The following APP variants were observed in gnomAD, a reference collection of about 807,000 sequenced individuals.
APP encodes amyloid beta precursor protein, also known as amyloid-beta precursor protein.
Under a neutral mutation model 101.4 loss-of-function variants are expected in APP, and 31 were observed. That is an observed-to-expected ratio of 0.31 (90% CI 0.23 to 0.41). The LOEUF (loss-of-function observed/expected upper bound fraction) is 0.41. APP is among the 10% of genes least tolerant of loss of function. The probability of loss-of-function intolerance (pLI) is 1.00; values close to 1 mark genes in which losing one functional copy is unlikely to be tolerated. For synonymous variants in APP, 366 were observed against 364.4 expected (o/e 1.00, Z -0.05); for missense variants, 839 against 1,003.7 (o/e 0.84, Z 2.22).
In APP at chr21:25,911,928, A is replaced by T. The variant is rs201794320; in HGVS notation, c.1722T>A (p.Asp574Glu). 6.2e-7 allele frequency: 1 copy of T among 1,614,088 alleles called. No homozygotes were observed. Among genetic ancestry groups the T allele is most frequent in the African/African-American group, 1.3e-5 (1 of 74,924 alleles). The change falls in exon 14 of 18, where the codon GAT becomes GAA. Residue 574 changes from aspartate (D) to glutamate (E), a missense_variant. Transcript: ENST00000346798. ...CACTAATCATGTTGGCCAAGACGTC[A>T]TCTGAATAGTTTTGCTCTTTCTGAA... is the stretch of plus-strand genomic sequence containing the variant. Reference protein sequence around the residue: ...ELLQKEQNYSDDVLANMISEP... With the variant: ...ELLQKEQNYSEDVLANMISEP...
intron 1 of APP, among the ~76,000 whole-genome samples, chr21:26,123,037 C>G (rs1601519355): frequency 6.6e-6 from 1 of 152,226 alleles, no homozygotes; most frequent in East Asian, 1.9e-4. Flanking sequence ...GAATCCAAGA[C>G]AAGAATTCCT....
intron 1 of APP, among the ~76,000 whole-genome samples, chr21:26,123,801 G>C (rs988686095): frequency 6.6e-6 from 1 of 152,146 alleles, no homozygotes; most frequent in African/African-American, 2.4e-5. Flanking sequence ...GTTACTATCA[G>C]TTTCAGTGAC....
chr21:26,170,454 C>T (rs1295317041), intron 1 of APP, 110 bp downstream of exon 1: 4 of 1,156,368 alleles, frequency 3.5e-6, no homozygotes, highest in Non-Finnish European at 4.9e-6. Context: ...GAGAGGGGTC[C>T]CATTGACGGA....
chr21:26,009,731 A>C (rs1376146561), intron 6 of APP: 1 of 152,358 alleles, frequency 6.6e-6, no homozygotes, highest in African/African-American at 2.4e-5. Context: ...CTGGGACCAC[A>C]GGTGTGTGCC....
Position 26,039,018 on chromosome 21 carries a change from T to C in APP, c.662+11982A>G, listed in dbSNP as rs183822052. On this transcript the variant is annotated intron_variant, in intron 5 of 17. Transcript: ENST00000346798. ...GAAGATATTTTTGAAGCAAAGATTA[T>C]CTTATTTACTTACAAGTCTTTTCTT... Among the ~76,000 whole-genome samples the C allele has an allele frequency of 2.9e-3, 445 of 152,348 alleles. 2 individuals carry two copies. The highest frequency in any genetic ancestry group is 0.01 in the African/African-American group (418 of 41,580).
At chr21:26,154,371 T>A (rs541786354) in intron 1 of APP, among the ~76,000 whole-genome samples, 1 of 152,180 alleles carries the variant, frequency 6.6e-6, no homozygotes, top group Non-Finnish European at 1.5e-5. Flanking sequence ...GAATCACATA[T>A]CCTGGGTCCC....
intron 17 of APP, among the ~76,000 whole-genome samples, chr21:25,886,472 C>T (rs1049677554): frequency 9.9e-5 from 15 of 151,968 alleles, no homozygotes; most frequent in African/African-American, 3.4e-4. Flanking sequence ...TGGCTCACTG[C>T]AGCCTCCATC....
intron 14 of APP, among the ~76,000 whole-genome samples, chr21:25,905,726 T>G (rs1181687585): frequency 6.6e-6 from 1 of 152,174 alleles, no homozygotes; most frequent in Non-Finnish European, 1.5e-5. Context: ...GATATTTCAT[T>G]TTATATTTGC....
At chr21:26,044,127 A>G (rs917204437) in intron 5 of APP, among the ~76,000 whole-genome samples, 1 of 152,172 alleles carries the variant, frequency 6.6e-6, no homozygotes, top group African/African-American at 2.4e-5. Flanking sequence ...TGTGTTCCCA[A>G]AGTACTGCAT....
In APP at chr21:25,954,618, T is replaced by G. The variant is rs1283377846; in HGVS notation, c.1659A>C (p.Ala553=). The change falls in exon 13 of 18, where the codon GCA becomes GCC. Residue 553 remains alanine, a synonymous_variant. Transcript: ENST00000346798. ...QSLSLLYNVP[A]VAEEIQDEVD... ...CTTCATCCTGAATCTCCTCGGCCAC[T>G]GCAGGCACGTTGTAGAGCAGGGAGA... 6.2e-7 allele frequency: 1 copy of G among 1,614,120 alleles called. No individual in the cohort carries two copies. The highest frequency in any genetic ancestry group is 1.7e-5 in the Admixed American group (1 of 60,016).
At chr21:26,117,530 G>A (rs2062461529) in intron 1 of APP, among the ~76,000 whole-genome samples, 2 of 152,190 alleles carry the variant, frequency 1.3e-5, no homozygotes, top group Admixed American at 1.3e-4. Context: ...GGAGGAAAGG[G>A]CACCAGGTAA....
intron 3 of APP, among the ~76,000 whole-genome samples, chr21:26,066,053 G>A (rs951090314): frequency 6.6e-6 from 1 of 152,126 alleles, no homozygotes; most frequent in African/African-American, 2.4e-5. Flanking sequence ...TCTGCTTCAG[G>A]TGGCTCATGG....
intron 15 of APP, 98 bp downstream of exon 15, chr21:25,904,926 A>G: frequency 9.6e-7 from 1 of 1,041,100 alleles, no homozygotes; most frequent in Non-Finnish European, 1.5e-6. Context: ...CTCTGCAGTA[A>G]GTACAATTGA....
At chr21:25,968,901 C>T (rs888387227) in intron 11 of APP, among the ~76,000 whole-genome samples, 1 of 152,156 alleles carries the variant, frequency 6.6e-6, no homozygotes, top group African/African-American at 2.4e-5. Flanking sequence ...ATACCATTTA[C>T]TGAATACAGT....
At chr21:26,074,753 A>C (rs1019379243) in intron 3 of APP, among the ~76,000 whole-genome samples, 178 of 150,602 alleles carry the variant, frequency 1.2e-3, no homozygotes, top group African/African-American at 3.9e-3. Context: ...TGTCTCACAA[A>C]AAAAAAAAAA....
chr21:25,997,355 C>G lies in APP; in HGVS notation c.1090+5G>C. Reference sequence around the variant, plus strand: ...TTCCCTTCCCTCAGGTGAATGACAACGTACGTTTAACAGGATCTCGGGCAA... The same window carrying G: ...TTCCCTTCCCTCAGGTGAATGACAAGGTACGTTTAACAGGATCTCGGGCAA... On this transcript the variant is annotated splice_donor_5th_base_variant and intron_variant, in intron 8 of 17. Transcript: ENST00000346798. 1 of 1,613,330 alleles carries G rather than the reference C, an allele frequency of 6.2e-7. No individual in the cohort carries two copies. Among genetic ancestry groups the G allele is most frequent in the Middle Eastern group, 1.6e-4 (1 of 6,062 alleles).
In APP at chr21:25,890,961, TTACAC is replaced by T. The variant is rs1003358146; in HGVS notation, c.2211+756_2211+760del. 1.1e-4 allele frequency among the ~76,000 whole-genome samples: 16 copies of T among 152,342 alleles called. No individual in the cohort carries two copies. In the East Asian group the frequency reaches 1.2e-3, roughly 11 times the overall value. On this transcript the variant is annotated intron_variant, in intron 17 of 17. Coordinates refer to ENST00000346798, the MANE Select transcript of APP (RefSeq NM_000484.4). ...TTCCCTGTGCATATAAAAGTTATGT[TTACAC>T]TATACTCTCTGCAAGACAGTTTCCT...
intron 13 of APP, among the ~76,000 whole-genome samples, chr21:25,915,916 A>G (rs214489): frequency 1 from 152,327 of 152,330 alleles, 76,162 homozygotes; most frequent in Non-Finnish European, 1. Context: ...GTAAGTGAAA[A>G]AGTGACAGAT....
intron 1 of APP, among the ~76,000 whole-genome samples, chr21:26,166,227 A>C (rs1288680367): frequency 6.6e-5 from 10 of 152,192 alleles, no homozygotes; most frequent in African/African-American, 2.4e-4. Context: ...TACAACAATA[A>C]AAAAAGAAAT....
Sources: allele counts gnomAD v4.1 joint callset (sites outside exome capture counted in the v4.1 genomes callset), GRCh38; gene constraint gnomAD v4.1.1; transcripts MANE v1.5; gene names NCBI Gene and HGNC (gene_info 2026-07-23, HGNC 2026-07-21).